The following SYN2 variants were observed in gnomAD, a reference collection of about 807,000 sequenced individuals.
The protein encoded by SYN2 is synapsin II, also known as synapsin-2.
A neutral mutation model predicts 50.9 loss-of-function variants in SYN2; 19 were observed. The ratio of observed to expected loss-of-function variants is 0.37; its 90% CI spans 0.26 to 0.55. The LOEUF (loss-of-function observed/expected upper bound fraction) is 0.55, where lower values mean the gene tolerates loss of function less well. Ranked by LOEUF, SYN2 falls within the 20% of genes least tolerant of loss-of-function variation. SYN2 has a pLI of 0.81. For synonymous variants in SYN2, 255 were observed against 224.9 expected, an observed-to-expected ratio of 1.13 and a Z score of -1.20; for missense variants, 587 against 576.4, an observed-to-expected ratio of 1.02 and a Z score of -0.19.
At chr3:12,126,599 T>C (rs1206998688) in intron 1 of SYN2, among the ~76,000 whole-genome samples, 1 of 152,346 alleles carries the variant, frequency 6.6e-6, no homozygotes, top group East Asian at 1.9e-4. Flanking sequence ...AGTTGTAGTA[T>C]GAAGTGGTTA....
chr3:12,027,247 T>G (rs750648942), intron 1 of SYN2, among the ~76,000 whole-genome samples: 1 of 152,226 alleles, frequency 6.6e-6, no homozygotes, highest in Non-Finnish European at 1.5e-5. Context: ...ATATGTTTAT[T>G]TGTAATGCAT....
chr3:12,133,318 A>G (rs1452603930), intron 1 of SYN2, among the ~76,000 whole-genome samples: 2 of 152,198 alleles, frequency 1.3e-5, no homozygotes, highest in Non-Finnish European at 2.9e-5. Flanking sequence ...ATGATCCATA[A>G]CAGAAATTTC....
chr3:12,158,081 G>A (rs1697510355), intron 5 of SYN2, among the ~76,000 whole-genome samples: 1 of 152,144 alleles, frequency 6.6e-6, no homozygotes, highest in Non-Finnish European at 1.5e-5. Context: ...CTAGTGGAGT[G>A]CACACGTGTA....
At chr3:12,159,854 C>T (rs776922943) in intron 5 of SYN2, among the ~76,000 whole-genome samples, 14 of 151,676 alleles carry the variant, frequency 9.2e-5, no homozygotes, top group Non-Finnish European at 1.6e-4. Context: ...ATCACCCTAG[C>T]CATCATGATG....
intron 5 of SYN2, among the ~76,000 whole-genome samples, chr3:12,154,919 C>T (rs1697412274): frequency 6.6e-6 from 1 of 152,236 alleles, no homozygotes; most frequent in African/African-American, 2.4e-5. Flanking sequence ...CTTCCCCTTT[C>T]CAGCCCTTCC....
intron 1 of SYN2, among the ~76,000 whole-genome samples, chr3:12,041,133 C>T (rs1466947485): frequency 6.6e-6 from 1 of 152,174 alleles, no homozygotes; most frequent in African/African-American, 2.4e-5. Context: ...ACCTGCCTCC[C>T]TGCAGCCAGC....
chr3:12,067,281 G>A (rs1250495995), intron 1 of SYN2, among the ~76,000 whole-genome samples: 2 of 151,984 alleles, frequency 1.3e-5, no homozygotes, highest in Admixed American at 1.3e-4. Flanking sequence ...AAGTCATTCA[G>A]TGATTTAAAA....
At chr3:12,127,127 A>C (rs775048741) in intron 1 of SYN2, among the ~76,000 whole-genome samples, 26 of 152,216 alleles carry the variant, frequency 1.7e-4, no homozygotes, top group Non-Finnish European at 3.2e-4. Context: ...GTGTCCAAAC[A>C]CTAGGGGTAA....
intron 1 of SYN2, among the ~76,000 whole-genome samples, chr3:12,092,229 T>C (rs2125182450): frequency 6.6e-6 from 1 of 152,352 alleles, no homozygotes; most frequent in Non-Finnish European, 1.5e-5. Flanking sequence ...CACTATTAAA[T>C]GGAGCACCAA....
At chr3:12,074,265 A>G (rs1453314847) in intron 1 of SYN2, among the ~76,000 whole-genome samples, 1 of 152,132 alleles carries the variant, frequency 6.6e-6, no homozygotes, top group Non-Finnish European at 1.5e-5. Flanking sequence ...ATGAATTTTC[A>G]AAATCAATCT....
chr3:12,048,473 C>A (rs1309253748), intron 1 of SYN2, among the ~76,000 whole-genome samples: 2 of 152,192 alleles, frequency 1.3e-5, no homozygotes, highest in African/African-American at 4.8e-5. Flanking sequence ...CCCACTGTGC[C>A]AGGCTGAGAT....
At chr3:12,033,233 C>T (rs1212834430) in intron 1 of SYN2, among the ~76,000 whole-genome samples, 4 of 152,240 alleles carry the variant, frequency 2.6e-5, no homozygotes, top group African/African-American at 9.6e-5. Context: ...AGGCAGTCTG[C>T]CTGTTCTCAG....
chr3:12,059,835 C>G (rs1392828369), intron 1 of SYN2, among the ~76,000 whole-genome samples: 1 of 152,120 alleles, frequency 6.6e-6, no homozygotes, highest in Non-Finnish European at 1.5e-5. Context: ...GGTCCCTGCT[C>G]TGTCTCAATT....
intron 2 of SYN2, among the ~76,000 whole-genome samples, chr3:12,141,405 T>C (rs920535066): frequency 2.6e-5 from 4 of 152,202 alleles, no homozygotes; most frequent in Non-Finnish European, 5.9e-5. Context: ...TTGATAAAAA[T>C]TATTCCCATT....
At chr3:12,010,108 A>G (rs912819118) in intron 1 of SYN2, among the ~76,000 whole-genome samples, 1 of 152,186 alleles carries the variant, frequency 6.6e-6, no homozygotes, top group African/African-American at 2.4e-5. Flanking sequence ...AAAAATAAAT[A>G]AAATAAAATG....
chr3:12,111,954 T>C (rs928034124), intron 1 of SYN2, among the ~76,000 whole-genome samples: 1 of 152,158 alleles, frequency 6.6e-6, no homozygotes, highest in African/African-American at 2.4e-5. Context: ...CATGGCATCA[T>C]TGTTGTATCC....
In SYN2 at chr3:12,052,171, C is replaced by T. The variant is rs117509018; in HGVS notation, c.377+47243C>T. 3.1e-4 allele frequency among the ~76,000 whole-genome samples: 47 copies of T among 152,282 alleles called. No individual in the cohort carries two copies. The East Asian group carries it at 8.5e-3, about 28-fold the overall frequency. ...TGCTAGCTACATGCTAGGCGTTGTGCTAGACTGTATGCTATATATCATTTT... is the reference window on the plus strand; with the variant it reads ...TGCTAGCTACATGCTAGGCGTTGTGTTAGACTGTATGCTATATATCATTTT... On this transcript the variant is annotated intron_variant, in intron 1 of 12. Transcript: ENST00000621198.
At chr3:12,188,444 G>T (rs1698386861) in intron 12 of SYN2, among the ~76,000 whole-genome samples, 1 of 152,220 alleles carries the variant, frequency 6.6e-6, no homozygotes, top group Non-Finnish European at 1.5e-5. Context: ...GCCTTAGGGG[G>T]ATGGTAAGGG....
rs1693942227 is a variant in SYN2, at chr3:12,012,737, T to G, written c.377+7809T>G. Among the ~76,000 whole-genome samples, 2 of 152,196 alleles carry G rather than the reference T, an allele frequency of 1.3e-5. 1 individual carries two copies. The highest frequency in any genetic ancestry group is 4.1e-4 in the South Asian group (2 of 4,832). ...CGAGGATAAAGGCATTGCCTATTGT[T>G]GAAAAAGACTCATCTCTTGTCTTCT... On this transcript the variant is annotated intron_variant, in intron 1 of 12. Coordinates refer to ENST00000621198, the MANE Select transcript of SYN2 (RefSeq NM_133625.6).
Sources: allele counts gnomAD v4.1 joint callset (sites outside exome capture counted in the v4.1 genomes callset), GRCh38; gene constraint gnomAD v4.1.1; transcripts MANE v1.5; gene names NCBI Gene and HGNC (gene_info 2026-07-23, HGNC 2026-07-21).